Variants in GLG1 observed in about 807,000 individuals in gnomAD.
The protein encoded by GLG1 is Golgi apparatus protein 1.
GLG1 carries 38 observed loss-of-function variants against 160.5 expected under a neutral mutation model. The observed-to-expected ratio is 0.24, with a 90% confidence interval of 0.18 to 0.31. GLG1 has a LOEUF of 0.31. Ranked by LOEUF, GLG1 falls within the 10% of genes least tolerant of loss-of-function variation. The pLI is 1.00. For missense variants in GLG1, 1,373 were observed against 1,505.2 expected (o/e 0.91, Z 1.45); for synonymous variants, 644 against 543.4 (o/e 1.19, Z -2.57).
intron 1 of GLG1, among the ~76,000 whole-genome samples, chr16:74,540,499 C>G (rs1035433653): frequency 6.6e-6 from 1 of 151,738 alleles, no homozygotes; most frequent in Non-Finnish European, 1.5e-5. Context: ...CAGAGCTCAA[C>G]CAATCTTTTC....
chr16:74,498,368 G>A (rs1189673071), intron 4 of GLG1, among the ~76,000 whole-genome samples: 2 of 141,112 alleles, frequency 1.4e-5, no homozygotes, highest in African/African-American at 2.6e-5. Context: ...GGAGGTAGAG[G>A]TTGCAGGGAG....
chr16:74,524,503 T>C lies in GLG1; in HGVS notation c.471+7618A>G, dbSNP rs536418410. ...GATATTTGATGATGTTAAAGAATTA[T>C]GGTATTTTAAGATATGACAACAGTA... On this transcript the variant is annotated intron_variant, in intron 2 of 25. Coordinates refer to ENST00000422840, the MANE Select transcript of GLG1 (RefSeq NM_001145667.2). Among the ~76,000 whole-genome samples the C allele has an allele frequency of 5.9e-5, 9 of 152,272 alleles. No individual in the cohort carries two copies. In the South Asian group the frequency reaches 1.9e-3, roughly 32 times the overall value.
At chr16:74,499,569 T>A (rs1051215840) in intron 4 of GLG1, among the ~76,000 whole-genome samples, 5 of 152,212 alleles carry the variant, frequency 3.3e-5, no homozygotes, top group African/African-American at 1.2e-4. Flanking sequence ...CCTAGGTGTG[T>A]AGTAGGCTAT....
chr16:74,553,617 T>G (rs955355362), intron 1 of GLG1, among the ~76,000 whole-genome samples: 1 of 151,720 alleles, frequency 6.6e-6, no homozygotes, highest in Non-Finnish European at 1.5e-5. Flanking sequence ...GGACTACAGG[T>G]GCCTGCCACC....
At position 74,483,063 on chromosome 16, in the gene GLG1, G is replaced by A; in HGVS notation, c.1633C>T (p.Arg545Cys). The change falls in exon 10 of 26, where the codon CGT becomes TGT. Residue 545 changes from arginine to cysteine, a missense_variant. Coordinates refer to ENST00000422840, the MANE Select transcript of GLG1 (RefSeq NM_001145667.2). ...TEKMVEDCEH[R>C]LLELQYFISR... ...ATGAAATACTGCAGCTCTAAGAGAC[G>A]GTGTTCACAGTCTTCTACCATCTTC... The A allele has an allele frequency of 1.9e-6, 3 of 1,608,542 alleles. No homozygotes were observed. Among genetic ancestry groups the A allele is most frequent in the Non-Finnish European group, 2.6e-6 (3 of 1,175,130 alleles).
At chr16:74,603,158 T>C (rs901624015) in intron 1 of GLG1, among the ~76,000 whole-genome samples, 70 of 151,858 alleles carry the variant, frequency 4.6e-4, no homozygotes, top group African/African-American at 1.3e-3. Flanking sequence ...ATGACTGTAA[T>C]CCCAGCACTT....
chr16:74,497,057 T>C (rs1009007933), intron 4 of GLG1, among the ~76,000 whole-genome samples: 1 of 151,988 alleles, frequency 6.6e-6, no homozygotes, highest in African/African-American at 2.4e-5. Flanking sequence ...GGCAGGTGGA[T>C]CACCTGAGGT....
chr16:74,545,454 T>C (rs781040560), intron 1 of GLG1, among the ~76,000 whole-genome samples: 6 of 152,184 alleles, frequency 3.9e-5, no homozygotes, highest in Non-Finnish European at 8.8e-5. Context: ...GTGCTGGGAT[T>C]ACCAGCATGA....
At chr16:74,489,102 G>T (rs1051567280) in intron 8 of GLG1, among the ~76,000 whole-genome samples, 2 of 152,114 alleles carry the variant, frequency 1.3e-5, no homozygotes, top group African/African-American at 4.8e-5. Context: ...GTGTGAATTA[G>T]GTGCCTCGAA....
chr16:74,507,493 T>C (rs1302378080), intron 3 of GLG1, among the ~76,000 whole-genome samples: 1 of 152,086 alleles, frequency 6.6e-6, no homozygotes, highest in Non-Finnish European at 1.5e-5. Flanking sequence ...TCCCAGCACT[T>C]TGGGAGGTTG....
Position 74,469,078 on chromosome 16 carries a change from A to T in GLG1, c.2319-15T>A, listed in dbSNP as rs2015104597. ...CCACGTCCACCCTGCAGACGAAAGA[A>T]GCTTGAGGCTGGCTGGGGCCACACA... On this transcript the variant is annotated splice_polypyrimidine_tract_variant and intron_variant, in intron 16 of 25. Transcript: ENST00000422840. 1 of 1,581,408 alleles carries T rather than the reference A, an allele frequency of 6.3e-7. No homozygotes were observed. Among genetic ancestry groups the T allele is most frequent in the Non-Finnish European group, 8.7e-7 (1 of 1,150,312 alleles).
Position 74,468,965 on chromosome 16 carries a change from C to T in GLG1, c.2417G>A (p.Arg806His), listed in dbSNP as rs1023218360. 13 of 1,601,566 alleles carry T rather than the reference C, an allele frequency of 8.1e-6. No individual in the cohort carries two copies. The East Asian group carries it at 8.9e-5, about 11-fold the overall frequency. The change falls in exon 17 of 26, where the codon CGT becomes CAT. Residue 806 changes from arginine (R) to histidine (H), a missense_variant. Around this residue, in one of 4 missense-constraint regions of GLG1, gnomAD observed 491 missense variants for 632.1 expected, o/e 0.78. Coordinates refer to ENST00000422840, the MANE Select transcript of GLG1 (RefSeq NM_001145667.2). ...RVSLKCRRQLRVEELEMTEDI... is the reference protein window; with the variant it reads ...RVSLKCRRQLHVEELEMTEDI... ...CATTACCATCTCCAGCTCCTCCACA[C>T]GGAGCTGCCTGCGGCACTTCAGGGA...
rs547526607 is a variant in GLG1, at chr16:74,449,353, T to C, written c.*3814A>G. On this transcript the variant is annotated 3_prime_UTR_variant, in exon 26 of 26. Transcript: ENST00000422840. ...ACCACAGGCCTGGAGGATGGGAGGATAGGAGACACTTCCAGAAGCCACACT... is the reference window on the plus strand; with the variant it reads ...ACCACAGGCCTGGAGGATGGGAGGACAGGAGACACTTCCAGAAGCCACACT... The C allele has an allele frequency of 2.0e-5, 3 of 152,128 alleles. No homozygotes were observed. The highest frequency in any genetic ancestry group is 4.1e-4 in the South Asian group (2 of 4,820). 9.4% of individuals were successfully genotyped at this position (152,128 alleles called of 1,614,324 possible). A position where few individuals can be genotyped will look rare whatever the true frequency, so the allele number is the denominator to read the frequency against.
chr16:74,476,418 T>A (rs557794381), intron 12 of GLG1, among the ~76,000 whole-genome samples: 2 of 152,298 alleles, frequency 1.3e-5, no homozygotes, highest in East Asian at 1.9e-4. Context: ...CTGAACATGA[T>A]AGTCCTATGC....
At chr16:74,580,988 G>GA (rs1402675399) in intron 1 of GLG1, among the ~76,000 whole-genome samples, 1 of 152,100 alleles carries the variant, frequency 6.6e-6, no homozygotes, top group Non-Finnish European at 1.5e-5. Flanking sequence ...CAAACAAACA[G>GA]AAAATAAGTG....
In GLG1 at chr16:74,452,159, C is replaced by T; in HGVS notation, c.*1008G>A. 1 of 1,612,244 alleles carries T rather than the reference C, an allele frequency of 6.2e-7. No homozygotes were observed. The highest frequency in any genetic ancestry group is 2.2e-5 in the East Asian group (1 of 44,828). ...GAAAAATAAAGCAAAGTGAGTCAAACCTCTGGCTCCCACTTCCTGACCCAC... is the reference window on the plus strand; with the variant it reads ...GAAAAATAAAGCAAAGTGAGTCAAATCTCTGGCTCCCACTTCCTGACCCAC... On this transcript the variant is annotated 3_prime_UTR_variant, in exon 26 of 26. Transcript: ENST00000422840.
At chr16:74,495,042 T>C (rs531477384) in intron 5 of GLG1, among the ~76,000 whole-genome samples, 3 of 152,068 alleles carry the variant, frequency 2.0e-5, no homozygotes, top group Admixed American at 6.5e-5. Flanking sequence ...TATTTGGAGT[T>C]TGTCATTTGT....
At chr16:74,597,649 T>C (rs954770744) in intron 1 of GLG1, among the ~76,000 whole-genome samples, 1 of 151,520 alleles carries the variant, frequency 6.6e-6, no homozygotes, top group East Asian at 2.0e-4. Context: ...GTCAGGAGAT[T>C]GAGACCATCC....
At chr16:74,494,922 C>G in intron 5 of GLG1, 91 bp from the exon 6 acceptor site, 2 of 671,902 alleles carry the variant, frequency 3.0e-6, no homozygotes, top group South Asian at 3.3e-5. Flanking sequence ...TTCTATTAAA[C>G]GATTATAATC....
Sources: gnomAD v4.1 joint callset for allele counts (sites outside exome capture counted in the v4.1 genomes callset) on GRCh38, gnomAD v4.1.1 for gene constraint, gnomAD v4.1.1 regional missense constraint, MANE v1.5 for transcripts, NCBI Gene and HGNC (gene_info 2026-07-23, HGNC 2026-07-21) for gene names.